Variants in RTEL1 observed in about 807,000 individuals in gnomAD.
RTEL1 encodes the protein regulator of telomere elongation helicase 1.
Under a neutral mutation model 162.2 loss-of-function variants are expected in RTEL1, and 86 were observed. The observed-to-expected ratio is 0.53, with a 90% CI of 0.45 to 0.63. The LOEUF (loss-of-function observed/expected upper bound fraction) is 0.63. Among genes scored for constraint, RTEL1 ranks in the 30% least tolerant of loss-of-function variants. The probability of loss-of-function intolerance (pLI) is 0.00; values close to 1 mark genes in which losing one functional copy is unlikely to be tolerated. For missense variants in RTEL1, 1,941 were observed against 1,750.2 expected, an observed-to-expected ratio of 1.11 and a Z score of -1.95; for synonymous variants, 958 against 717.9, an observed-to-expected ratio of 1.33 and a Z score of -5.35.
At chr20:63,678,631 C>T (rs1252593579) in intron 12 of RTEL1, among the ~76,000 whole-genome samples, 4 of 142,150 alleles carry the variant, frequency 2.8e-5, no homozygotes, top group African/African-American at 1.1e-4. Context: ...CTCCCACGAA[C>T]AGCACACACA....
rs2090973476 is a variant in RTEL1 at position 63,696,100 on chromosome 20, A to G, written c.*242A>G. The G allele has an allele frequency of 3.6e-6, 2 of 557,210 alleles. No homozygotes were observed. The highest frequency in any genetic ancestry group is 3.8e-5 in the African/African-American group (2 of 52,530). 34.5% of individuals were successfully genotyped at this position (557,210 alleles called of 1,614,324 possible). On this transcript the variant is annotated 3_prime_UTR_variant, in exon 35 of 35. Transcript: ENST00000360203. ...TGGGTTTCTGGGAAAGTGCTTCCCC[A>G]GAACTTCCCTGGCTCCTGGCCTGTG...
Position 63,661,036 on chromosome 20 carries a change from T to C in RTEL1, c.103-262T>C, listed in dbSNP as rs1569078860. ...ACACCTAATTAGTCATCTTACTATTTAAGCTGAAAAATAGTGTCGTGTTTT... is the reference window on the plus strand; with the variant it reads ...ACACCTAATTAGTCATCTTACTATTCAAGCTGAAAAATAGTGTCGTGTTTT... On this transcript the variant is annotated intron_variant, in intron 2 of 34. Coordinates refer to ENST00000360203, the MANE Select transcript of RTEL1 (RefSeq NM_001283009.2). The surrounding 1 kb of genome is among the most constrained non-coding windows in gnomAD (Gnocchi z 5.1). 6.6e-6 allele frequency among the ~76,000 whole-genome samples: 1 copy of C among 152,392 alleles called. No homozygotes were observed.
rs745338919 is a variant in RTEL1, at chr20:63,685,899, C to T, written c.1348+27C>T. ...TACAGACCTGGGCCCACACGCTCCC[C>T]GCCCGCCCGGGTGCAGTGCCCGGCA... On this transcript the variant is annotated intron_variant, in intron 16 of 34. Transcript: ENST00000360203. 307 of 1,600,918 alleles carry T rather than the reference C, an allele frequency of 1.9e-4. 3 individuals are homozygous for T. The South Asian group carries it at 2.8e-3, about 15-fold the overall frequency.
intron 1 of RTEL1, 54 bp from the exon 2 acceptor site, chr20:63,659,179 T>C: frequency 1.8e-6 from 1 of 552,712 alleles, no homozygotes; most frequent in East Asian, 3.0e-5. Context: ...CCTGGGAAAG[T>C]AGCCCGGTAC....
rs182196996 is a variant in RTEL1, at chr20:63,684,887, G to T, written c.1192-636G>T. ...TTTGACTAGAATGTGTTGAATTCCT[G>T]TTTTTTTTTTGAGTCAGGGTCTCTC... On this transcript the variant is annotated intron_variant, in intron 14 of 34. Coordinates refer to ENST00000360203, the MANE Select transcript of RTEL1 (RefSeq NM_001283009.2). Among the ~76,000 whole-genome samples the T allele has an allele frequency of 2.2e-3, 322 of 146,874 alleles. 6 individuals carry two copies. Among genetic ancestry groups the T allele is most frequent in the Admixed American group, 0.02 (291 of 14,744 alleles).
At chr20:63,671,542 T>C (rs546948968) in intron 8 of RTEL1, among the ~76,000 whole-genome samples, 2 of 151,668 alleles carry the variant, frequency 1.3e-5, no homozygotes, top group South Asian at 2.1e-4. Flanking sequence ...AGTGCAGTGG[T>C]GCGATCTCCA....
intron 8 of RTEL1, among the ~76,000 whole-genome samples, chr20:63,671,612 G>C (rs1047091443): frequency 6.6e-6 from 1 of 151,406 alleles, no homozygotes; most frequent in East Asian, 1.9e-4. Flanking sequence ...CTCCCGAGTA[G>C]CTGGGACTAC....
chr20:63,671,060 T>C (rs1357670592), intron 8 of RTEL1, among the ~76,000 whole-genome samples: 1 of 151,968 alleles, frequency 6.6e-6, no homozygotes, highest in Non-Finnish European at 1.5e-5. Flanking sequence ...CTGTTTTTTG[T>C]GTTTTTGTTT....
At chr20:63,671,120 G>A (rs1466406060) in intron 8 of RTEL1, among the ~76,000 whole-genome samples, 2 of 152,160 alleles carry the variant, frequency 1.3e-5, no homozygotes, top group Admixed American at 6.5e-5. Flanking sequence ...GAGTGCAGTG[G>A]TGTGGTCTTG....
intron 10 of RTEL1, among the ~76,000 whole-genome samples, chr20:63,674,999 C>T (rs2090320628): frequency 6.6e-6 from 1 of 152,098 alleles, no homozygotes; most frequent in African/African-American, 2.4e-5. Context: ...CCTCCGCCTC[C>T]TGGGTTCAAG....
intron 23 of RTEL1, 49 bp downstream of exon 23, chr20:63,689,697 C>G (rs372371309): frequency 6.2e-7 from 1 of 1,602,728 alleles, no homozygotes; most frequent in Admixed American, 1.7e-5. Flanking sequence ...GGTGACTGAG[C>G]CCCCGCCCCG....
chr20:63,676,367 G>A (rs1415147312), intron 10 of RTEL1, among the ~76,000 whole-genome samples: 1 of 152,192 alleles, frequency 6.6e-6, no homozygotes, highest in Non-Finnish European at 1.5e-5. Context: ...TCTGAACTTA[G>A]GTGGCTTGAG....
rs749817356 is a variant in RTEL1 at position 63,690,278 on chromosome 20, C to T, written c.2266-16C>T. ...AGGAGCCAGAAATGGGTCCACCCAC[C>T]CCCATGGTTCTGCAGATGCCAGCGC... is the stretch of plus-strand genomic sequence containing the variant. On this transcript the variant is annotated splice_polypyrimidine_tract_variant and intron_variant, in intron 25 of 34. Transcript: ENST00000360203. The T allele has an allele frequency of 2.5e-6, 4 of 1,601,740 alleles. No homozygotes were observed. The highest frequency in any genetic ancestry group is 3.4e-5 in the Admixed American group (2 of 59,648).
rs2146220003 is a variant in RTEL1, at chr20:63,680,687, G to A, written c.1159G>A (p.Ala387Thr). Residue 387 changes from alanine to threonine, a missense_variant, in exon 14 of 35, where the codon GCC becomes ACC. By Grantham distance (58) the Ala-to-Thr change is moderately conservative. Coordinates refer to ENST00000360203, the MANE Select transcript of RTEL1 (RefSeq NM_001283009.2). The stretch of plus-strand genomic sequence containing the variant: ...AGGTGCTGGAGTGTTCACCAACACG[G>A]CCGGACTGCAGAAGCTGGCGGACAT... The part of the protein sequence containing the change: ...AGRAGVFTNT[A>T]GLQKLADIIQ... The A allele has an allele frequency of 6.2e-7, 1 of 1,613,356 alleles. No homozygotes were observed. The highest frequency in any genetic ancestry group is 8.5e-7 in the Non-Finnish European group (1 of 1,180,002).
At chr20:63,684,169 G>GTCAC (rs1367234647) in intron 14 of RTEL1, among the ~76,000 whole-genome samples, 1 of 152,116 alleles carries the variant, frequency 6.6e-6, no homozygotes, top group African/African-American at 2.4e-5. Flanking sequence ...GCCTTCTGAC[G>GTCAC]TCACCTGTGG....
In RTEL1 at chr20:63,659,410, A is replaced by C. The variant is rs779282812; in HGVS notation, c.8A>C (p.Lys3Thr). MP[K>T]IVLNGVTVDF... ...TTCTGAGAACAGGCTGATATGCCCAAGATAGTCCTGAATGGTGTGACCGTA... is the reference window on the plus strand; with the variant it reads ...TTCTGAGAACAGGCTGATATGCCCACGATAGTCCTGAATGGTGTGACCGTA... The change falls in exon 2 of 35, where the codon AAG (lysine) becomes ACG (threonine). Residue 3 changes from lysine to threonine, a missense_variant. Lys to Thr is a moderately conservative substitution (Grantham distance 78). Coordinates refer to ENST00000360203, the MANE Select transcript of RTEL1 (RefSeq NM_001283009.2). 20 of 1,613,812 alleles carry C rather than the reference A, an allele frequency of 1.2e-5. No homozygotes were observed. The highest frequency in any genetic ancestry group is 1.7e-5 in the Non-Finnish European group (20 of 1,179,688).
At position 63,694,860 on chromosome 20, in the gene RTEL1, A is replaced by G. The variant is rs373301381; in HGVS notation, c.3229A>G (p.Ser1077Gly). The change falls in exon 32 of 35, where the codon AGC (serine) becomes GGC (glycine). Residue 1077 changes from serine to glycine, a missense_variant. Physicochemically the swap from Ser to Gly is moderately conservative, Grantham distance 56. Transcript: ENST00000360203. ...CAGGGCCCTGGGGTCCGCGGGCTGTAGCCAACTCTTGGCAGCGCTGACAGC... is the reference window on the plus strand; with the variant it reads ...CAGGGCCCTGGGGTCCGCGGGCTGTGGCCAACTCTTGGCAGCGCTGACAGC... The part of the protein sequence containing the change: ...ARRALGSAGC[S>G]QLLAALTAYK... 4 of 1,612,516 alleles carry G rather than the reference A, an allele frequency of 2.5e-6. No individual in the cohort carries two copies. In the African/African-American group the frequency reaches 5.3e-5, roughly 22 times the overall value.
chr20:63,693,992 C>T (rs376964161), intron 30 of RTEL1, among the ~76,000 whole-genome samples: 34 of 151,672 alleles, frequency 2.2e-4, no homozygotes, highest in African/African-American at 5.3e-4. Context: ...TCTCCAGAGG[C>T]GGAAGCATCT....
chr20:63,678,235 C>T (rs751815255), intron 11 of RTEL1, 33 bp from the exon 12 acceptor site: 25 of 1,612,308 alleles, frequency 1.6e-5, no homozygotes, highest in South Asian at 5.5e-5. Flanking sequence ...CTCCTCCTTG[C>T]GAGGAGGTGG....
Sources: gnomAD v4.1 joint callset for allele counts (sites outside exome capture counted in the v4.1 genomes callset) on GRCh38, gnomAD v4.1.1 for gene constraint, Gnocchi (gnomAD v3.1) non-coding constraint, MANE v1.5 for transcripts, NCBI Gene and HGNC (gene_info 2026-07-23, HGNC 2026-07-21) for gene names.